Variants in CMIP observed in about 807,000 individuals in gnomAD.
CMIP encodes c-Maf inducing protein, also known as C-Maf-inducing protein.
In CMIP, 13 loss-of-function variants were observed where a neutral mutation model predicts 97.3. The ratio of observed to expected loss-of-function variants is 0.13; its 90% CI spans 0.09 to 0.21. The LOEUF is 0.21. Ranked by LOEUF, CMIP falls within the 10% of genes least tolerant of loss-of-function variation. The pLI is 1.00. For synonymous variants in CMIP, 538 were observed against 436.3 expected (o/e 1.23, Z -2.91); for missense variants, 847 against 1,024.9 (o/e 0.83, Z 2.37).
At chr16:81,644,771 G>A (rs552417464) in intron 3 of CMIP, among the ~76,000 whole-genome samples, 9 of 152,364 alleles carry the variant, frequency 5.9e-5, no homozygotes, top group Non-Finnish European at 1.2e-4. Context: ...CACAAGTGGG[G>A]ACATTGCACC....
At chr16:81,535,999 G>T (rs1218871307) in intron 1 of CMIP, among the ~76,000 whole-genome samples, 1 of 152,132 alleles carries the variant, frequency 6.6e-6, no homozygotes, top group Non-Finnish European at 1.5e-5. Flanking sequence ...TCGGTGACAA[G>T]GGACCTCTTG....
At chr16:81,607,823 C>A (rs1179241347) in intron 2 of CMIP, 131 bp downstream of exon 2, 3 of 1,018,710 alleles carry the variant, frequency 2.9e-6, no homozygotes, top group East Asian at 2.6e-5. Context: ...ATTTTATTCC[C>A]CAAGTATAAG....
At chr16:81,538,283 A>G (rs1197242366) in intron 1 of CMIP, among the ~76,000 whole-genome samples, 2 of 152,180 alleles carry the variant, frequency 1.3e-5, no homozygotes, top group Admixed American at 1.3e-4. Flanking sequence ...TAAAGTAGAG[A>G]CACTTAAGAC....
chr16:81,667,799 A>AGAGT lies in CMIP; in HGVS notation c.826-2342_826-2341insAGTG. Among the ~76,000 whole-genome samples the AGAGT allele has an allele frequency of 3.2e-3, 185 of 58,152 alleles. 1 individual carries two copies. Among genetic ancestry groups the AGAGT allele is most frequent in the South Asian group, 6.4e-3 (8 of 1,252 alleles). 38.1% of individuals were successfully genotyped at this position (58,152 alleles called of 152,430 possible). A position where few individuals can be genotyped will look rare whatever the true frequency, so the allele number is the denominator to read the frequency against. ...GAGAGAGAGAGAGAGAGAGAGAGAG[A>AGAGT]GTGTGTGTGTGTGTGTGTGTGTGTG... On this transcript the variant is annotated intron_variant, in intron 7 of 20. Coordinates refer to ENST00000537098, the MANE Select transcript of CMIP (RefSeq NM_198390.3).
At chr16:81,661,689 C>CAGG (rs757720495) in intron 6 of CMIP, among the ~76,000 whole-genome samples, 1 of 152,202 alleles carries the variant, frequency 6.6e-6, no homozygotes, top group East Asian at 1.9e-4. Context: ...GGTGGAACAG[C>CAGG]AGGCCCCTGG....
At chr16:81,667,766 AAGAGAGAGAGAGAGAGAGAG>A (rs59388984) in intron 7 of CMIP, among the ~76,000 whole-genome samples, 25 of 85,206 alleles carry the variant, frequency 2.9e-4, no homozygotes, top group Non-Finnish European at 5.2e-4. Flanking sequence ...GAGGGAGAGA[AAGAGAGAGAGAGAGAGAGAG>A]AGAGAGAGAG....
At position 81,538,822 on chromosome 16, in the gene CMIP, G is replaced by T. The variant is rs548861904; in HGVS notation, c.301-68745G>T. ...TCTCGGGCAATAATATGATTATCAG[G>T]TTTTTTTTTCACAGGCAAGTTGATT... On this transcript the variant is annotated intron_variant, in intron 1 of 20. Transcript: ENST00000537098. Among the ~76,000 whole-genome samples, 402 of 151,196 alleles carry T rather than the reference G, an allele frequency of 2.7e-3. 2 individuals are homozygous for T. Among genetic ancestry groups the T allele is most frequent in the African/African-American group, 9.3e-3 (382 of 41,154 alleles).
chr16:81,699,514 A>G (rs953187568), intron 14 of CMIP, among the ~76,000 whole-genome samples, 171 bp from the exon 15 acceptor site: 2 of 152,154 alleles, frequency 1.3e-5, no homozygotes, highest in African/African-American at 4.8e-5. Context: ...ATCGTGTGCC[A>G]GGGAGGGGTT....
chr16:81,661,918 C>G (rs551419081), intron 6 of CMIP, among the ~76,000 whole-genome samples: 1 of 152,274 alleles, frequency 6.6e-6, no homozygotes, highest in East Asian at 1.9e-4. Context: ...CTGTCAGGGC[C>G]TGGAATGACC....
intron 1 of CMIP, among the ~76,000 whole-genome samples, chr16:81,497,641 G>A (rs1008871646): frequency 2.6e-5 from 4 of 152,232 alleles, no homozygotes; most frequent in African/African-American, 9.6e-5. Context: ...GGGTGTCTGG[G>A]CCTGGGCAGC....
chr16:81,488,221 G>A (rs2089349975), intron 1 of CMIP, among the ~76,000 whole-genome samples: 1 of 152,112 alleles, frequency 6.6e-6, no homozygotes, highest in Non-Finnish European at 1.5e-5. Flanking sequence ...CTGAGAGAGT[G>A]CGACCGTAGG....
chr16:81,620,147 C>T (rs1228187578), intron 2 of CMIP: 1 of 152,258 alleles, frequency 6.6e-6, no homozygotes, highest in Admixed American at 6.5e-5. Context: ...GTTATTGTCC[C>T]CATTTTACAG....
intron 1 of CMIP, among the ~76,000 whole-genome samples, chr16:81,572,183 C>A (rs1407057431): frequency 6.6e-6 from 1 of 152,242 alleles, no homozygotes; most frequent in Non-Finnish European, 1.5e-5. Flanking sequence ...AAGCAGCCAT[C>A]TCTTTCTTGG....
chr16:81,509,965 C>G lies in CMIP; in HGVS notation c.300+64424C>G, dbSNP rs963031210. Among the ~76,000 whole-genome samples the G allele has an allele frequency of 8.5e-5, 13 of 152,332 alleles. 1 individual carries two copies. In the Middle Eastern group the frequency reaches 0.014, roughly 159 times the overall value. On this transcript the variant is annotated intron_variant, in intron 1 of 20. Transcript: ENST00000537098. ...CTGCCCTCACGGAGAAGTCCTGCCC[C>G]AAAGGAAGTATGCCTGAATCAGACC... is the stretch of plus-strand genomic sequence containing the variant.
chr16:81,468,401 C>T (rs1337784133), intron 1 of CMIP, among the ~76,000 whole-genome samples: 1 of 152,246 alleles, frequency 6.6e-6, no homozygotes. Context: ...CATGAGTGTC[C>T]CTCTCCTTGC....
intron 1 of CMIP, among the ~76,000 whole-genome samples, chr16:81,472,105 C>T (rs898432340): frequency 1.3e-5 from 2 of 152,170 alleles, no homozygotes; most frequent in Admixed American, 1.3e-4. Flanking sequence ...CACATGTGCT[C>T]TCAGTATACA....
chr16:81,584,252 T>C (rs1349766581), intron 1 of CMIP, among the ~76,000 whole-genome samples: 1 of 152,126 alleles, frequency 6.6e-6, no homozygotes, highest in Non-Finnish European at 1.5e-5. Flanking sequence ...GGAAAACTCC[T>C]TGGAGGCAAG....
chr16:81,463,774 A>G (rs889546765), intron 1 of CMIP: 2 of 152,418 alleles, frequency 1.3e-5, no homozygotes, highest in East Asian at 3.9e-4. Flanking sequence ...TGGAGCTGCG[A>G]TGCAAACCCA....
intron 8 of CMIP, among the ~76,000 whole-genome samples, chr16:81,670,992 C>A (rs1390694735): frequency 1.3e-5 from 2 of 152,080 alleles, no homozygotes; most frequent in African/African-American, 2.4e-5. Flanking sequence ...CGACTCCTGG[C>A]TAATTTTTGT....
Sources: gnomAD v4.1 joint callset for allele counts (sites outside exome capture counted in the v4.1 genomes callset) on GRCh38, gnomAD v4.1.1 for gene constraint, MANE v1.5 for transcripts, NCBI Gene and HGNC (gene_info 2026-07-23, HGNC 2026-07-21) for gene names.